KIAA0232: variants seen among roughly 807,000 people sequenced by gnomAD.
KIAA0232 encodes KIAA0232.
A neutral mutation model predicts 122.0 loss-of-function variants in KIAA0232; 27 were observed. The observed-to-expected ratio is 0.22, with a 90% CI of 0.16 to 0.31. The LOEUF (loss-of-function observed/expected upper bound fraction) is 0.31. Among genes scored for constraint, KIAA0232 ranks in the 10% least tolerant of loss-of-function variants. KIAA0232 has a pLI of 1.00. For synonymous variants in KIAA0232, 613 were observed against 587.6 expected, an observed-to-expected ratio of 1.04 and a Z score of -0.63; for missense variants, 1,551 against 1,634.2, an observed-to-expected ratio of 0.95 and a Z score of 0.88.
chr4:6,783,383 C>T (rs1716448069), intron 1 of KIAA0232, among the ~76,000 whole-genome samples: 4 of 152,162 alleles, frequency 2.6e-5, no homozygotes. Context: ...GGGCAGGTGT[C>T]GCCGCGCCGG....
chr4:6,875,014 C>A (rs1721676840), intron 8 of KIAA0232, among the ~76,000 whole-genome samples: 1 of 152,234 alleles, frequency 6.6e-6, no homozygotes, highest in Non-Finnish European at 1.5e-5. Context: ...CCTATCCACT[C>A]CATGCCCCTC....
chr4:6,875,068 G>C (rs1358783213), intron 8 of KIAA0232, among the ~76,000 whole-genome samples: 1 of 152,214 alleles, frequency 6.6e-6, no homozygotes, highest in Non-Finnish European at 1.5e-5. Flanking sequence ...CATGGAGTGA[G>C]AAGTCAGCCA....
At chr4:6,842,308 CTTAT>C in intron 4 of KIAA0232, 104 bp downstream of exon 4, 1 of 1,139,288 alleles carries the variant, frequency 8.8e-7, no homozygotes, top group Non-Finnish European at 1.2e-6. Context: ...AAACAAAGTA[CTTAT>C]TTATTTTACC....
chr4:6,841,282 A>G (rs886179410), intron 3 of KIAA0232, among the ~76,000 whole-genome samples: 1 of 152,366 alleles, frequency 6.6e-6, no homozygotes, highest in Middle Eastern at 3.4e-3. Flanking sequence ...AGCATTTTTC[A>G]TACTGGATAC....
chr4:6,856,837 A>G (rs1720594555), intron 4 of KIAA0232, among the ~76,000 whole-genome samples: 1 of 152,220 alleles, frequency 6.6e-6, no homozygotes, highest in Non-Finnish European at 1.5e-5. Context: ...TTTTGGTCGT[A>G]TGATGGACAT....
intron 1 of KIAA0232, among the ~76,000 whole-genome samples, chr4:6,794,358 T>C (rs1717039985): frequency 6.6e-6 from 1 of 152,234 alleles, no homozygotes; most frequent in Non-Finnish European, 1.5e-5. Flanking sequence ...GTTGTGGTTC[T>C]GAACATGTAG....
At chr4:6,812,955 CA>C (rs1247360652) in intron 2 of KIAA0232, among the ~76,000 whole-genome samples, 3 of 151,910 alleles carry the variant, frequency 2.0e-5, no homozygotes, top group African/African-American at 4.8e-5. Context: ...CAGTGTATTA[CA>C]AAAAAGGGAA....
chr4:6,867,754 C>T (rs1721262093), intron 7 of KIAA0232, among the ~76,000 whole-genome samples: 1 of 152,174 alleles, frequency 6.6e-6, no homozygotes, highest in Admixed American at 6.5e-5. Context: ...CTTCTGTCAC[C>T]ACTATCCTAC....
At chr4:6,850,327 T>C (rs1276229242) in intron 4 of KIAA0232, among the ~76,000 whole-genome samples, 1 of 152,184 alleles carries the variant, frequency 6.6e-6, no homozygotes, top group African/African-American at 2.4e-5. Flanking sequence ...TTCCTGGTCA[T>C]CCCTCTCAGG....
chr4:6,803,082 G>T (rs1169224282), intron 1 of KIAA0232, among the ~76,000 whole-genome samples: 1 of 150,746 alleles, frequency 6.6e-6, no homozygotes, highest in Non-Finnish European at 1.5e-5. Context: ...TGTGGAAGGT[G>T]AGGTGGGAGG....
At chr4:6,844,810 A>G (rs1719866311) in intron 4 of KIAA0232, among the ~76,000 whole-genome samples, 2 of 152,226 alleles carry the variant, frequency 1.3e-5, no homozygotes. Flanking sequence ...TTATACATAC[A>G]GCTATCTTAG....
intron 3 of KIAA0232, among the ~76,000 whole-genome samples, chr4:6,835,929 A>G (rs1022587057): frequency 6.6e-6 from 1 of 152,220 alleles, no homozygotes; most frequent in Non-Finnish European, 1.5e-5. Flanking sequence ...CAATAAACAT[A>G]CATGTGCATG....
intron 2 of KIAA0232, among the ~76,000 whole-genome samples, chr4:6,806,872 C>T (rs2108952364): frequency 6.6e-6 from 1 of 151,504 alleles, no homozygotes. Flanking sequence ...GCATAGAAAG[C>T]TTTTCCCTTT....
rs1386869005 is a variant in KIAA0232 at position 6,883,180 on chromosome 4, C to G, written c.*2214C>G. The G allele has an allele frequency of 2.0e-5, 3 of 152,640 alleles. No homozygotes were observed. The highest frequency in any genetic ancestry group is 3.8e-4 in the East Asian group (2 of 5,204). The allele number at this position is 152,640 out of a possible 1,614,324, so 9.5% of individuals were successfully genotyped here. ...AGAAAAAGCATTTTTAAAAAGTTGGCAAACGCTGAAACGCACTGTGGTATG... is the reference window on the plus strand; with the variant it reads ...AGAAAAAGCATTTTTAAAAAGTTGGGAAACGCTGAAACGCACTGTGGTATG... On this transcript the variant is annotated 3_prime_UTR_variant, in exon 10 of 10. Coordinates refer to ENST00000307659, the MANE Select transcript of KIAA0232 (RefSeq NM_014743.3).
At chr4:6,837,938 A>AG (rs751508269) in intron 3 of KIAA0232, among the ~76,000 whole-genome samples, 2 of 151,890 alleles carry the variant, frequency 1.3e-5, no homozygotes, top group African/African-American at 2.4e-5. Flanking sequence ...GGAGAGGGAG[A>AG]GGGAGAGGCA....
chr4:6,871,544 C>T, intron 7 of KIAA0232, 30 bp from the exon 8 acceptor site: 1 of 1,288,636 alleles, frequency 7.8e-7, no homozygotes, highest in South Asian at 1.3e-5. Context: ...AGTTTATAAA[C>T]TTTTTCTGTA....
chr4:6,816,999 C>G (rs1290363765), intron 2 of KIAA0232, among the ~76,000 whole-genome samples: 1 of 152,212 alleles, frequency 6.6e-6, no homozygotes, highest in Admixed American at 6.5e-5. Context: ...ATCAGTCTGG[C>G]TAGAGGTTAA....
intron 2 of KIAA0232, among the ~76,000 whole-genome samples, chr4:6,817,405 C>T (rs769703450): frequency 4.6e-5 from 7 of 152,068 alleles, no homozygotes; most frequent in African/African-American, 4.8e-5. Context: ...TTTTAGTAGA[C>T]GGGGTTTCAC....
At position 6,861,127 on chromosome 4, in the gene KIAA0232, A is replaced by C. The variant is rs1389776367; in HGVS notation, c.745A>C (p.Ser249Arg). The change falls in exon 7 of 10, where the codon AGC (serine) becomes CGC (arginine). Residue 249 changes from serine (S) to arginine (R), a missense_variant. Physicochemically the swap from Ser to Arg is moderately radical, Grantham distance 110. This residue lies in a region of KIAA0232 where 377 missense variants were observed against 381.7 expected (regional missense o/e 0.99). Coordinates refer to ENST00000307659, the MANE Select transcript of KIAA0232 (RefSeq NM_014743.3). Reference sequence around the variant, plus strand: ...CACCACTGTGCATGAGAAAACCCAGAGCAAAAGCAAAAACGAGAAGGAAAA... The same window carrying C: ...CACCACTGTGCATGAGAAAACCCAGCGCAAAAGCAAAAACGAGAAGGAAAA... ...VPTTVHEKTQ[S>R]KSKNEKENKF... The C allele has an allele frequency of 1.2e-6, 2 of 1,614,218 alleles. No homozygotes were observed. Among genetic ancestry groups the C allele is most frequent in the Non-Finnish European group, 1.7e-6 (2 of 1,180,044 alleles).
Sources: gnomAD v4.1 joint callset for allele counts (sites outside exome capture counted in the v4.1 genomes callset) on GRCh38, gnomAD v4.1.1 for gene constraint, gnomAD v4.1.1 regional missense constraint, MANE v1.5 for transcripts, NCBI Gene and HGNC (gene_info 2026-07-23, HGNC 2026-07-21) for gene names.